Variants in CTNND2 observed in about 807,000 individuals in gnomAD.
CTNND2 encodes the protein catenin delta-2.
CTNND2 carries 22 observed loss-of-function variants against 144.4 expected under a neutral mutation model. The observed-to-expected ratio is 0.15, with a 90% confidence interval of 0.11 to 0.22. The LOEUF is 0.22. CTNND2 is among the 10% of genes least tolerant of loss of function. The pLI is 1.00. For synonymous variants in CTNND2, 751 were observed against 695.6 expected (o/e 1.08, Z -1.25); for missense variants, 1,353 against 1,618.8 (o/e 0.84, Z 2.82).
intron 3 of CTNND2, among the ~76,000 whole-genome samples, chr5:11,490,094 G>A (rs1282635577): frequency 6.6e-6 from 1 of 152,154 alleles, no homozygotes; most frequent in Non-Finnish European, 1.5e-5. Context: ...CTTCTCCTGA[G>A]GGTCTAACTT....
chr5:11,882,293 T>C (rs1736177207), intron 1 of CTNND2, among the ~76,000 whole-genome samples: 1 of 152,104 alleles, frequency 6.6e-6, no homozygotes, highest in South Asian at 2.1e-4. Context: ...AAAAAATCTT[T>C]GCCCAGACCA....
chr5:11,662,159 GTA>G (rs532874554), intron 2 of CTNND2, among the ~76,000 whole-genome samples: 3 of 137,580 alleles, frequency 2.2e-5, no homozygotes, highest in African/African-American at 5.7e-5. Flanking sequence ...ATATATATGT[GTA>G]TATATGTGTA....
At chr5:11,593,293 G>C (rs1779348346) in intron 2 of CTNND2, among the ~76,000 whole-genome samples, 1 of 152,166 alleles carries the variant, frequency 6.6e-6, no homozygotes, top group Non-Finnish European at 1.5e-5. Context: ...AATGGGAGAA[G>C]ATATTTTCAT....
At chr5:11,396,887 C>T (rs1485824390) in intron 6 of CTNND2, 144 bp downstream of exon 6, 1 of 682,856 alleles carries the variant, frequency 1.5e-6, no homozygotes, top group East Asian at 2.6e-5. Flanking sequence ...TCATTCACAG[C>T]ACCAAAGGGC....
intron 1 of CTNND2, among the ~76,000 whole-genome samples, chr5:11,867,300 C>T (rs1795816116): frequency 6.6e-6 from 1 of 152,110 alleles, no homozygotes; most frequent in African/African-American, 2.4e-5. Context: ...GAGAAAAGTC[C>T]AATAATTATT....
At chr5:11,226,225 G>T (rs775768524) in intron 10 of CTNND2, among the ~76,000 whole-genome samples, 1 of 152,170 alleles carries the variant, frequency 6.6e-6, no homozygotes, top group African/African-American at 2.4e-5. Flanking sequence ...TAGAGATCTA[G>T]CTCTGAGGTA....
At chr5:11,762,962 T>C (rs888253346) in intron 1 of CTNND2, among the ~76,000 whole-genome samples, 8 of 152,184 alleles carry the variant, frequency 5.3e-5, no homozygotes, top group African/African-American at 1.9e-4. Context: ...GCAAATCTCA[T>C]GTTGAATTGT....
chr5:11,798,053 T>G (rs1038579980), intron 1 of CTNND2, among the ~76,000 whole-genome samples: 2 of 151,432 alleles, frequency 1.3e-5, no homozygotes, highest in South Asian at 2.1e-4. Flanking sequence ...AGGTGAGGAG[T>G]TCGAGACCAG....
chr5:11,273,199 C>T (rs1030534429), intron 9 of CTNND2, among the ~76,000 whole-genome samples: 13 of 152,124 alleles, frequency 8.5e-5, no homozygotes, highest in African/African-American at 3.1e-4. Flanking sequence ...TGCCATCTGG[C>T]CCTTCACAGA....
intron 12 of CTNND2, among the ~76,000 whole-genome samples, chr5:11,135,824 T>C (rs1218192041): frequency 6.6e-6 from 1 of 152,220 alleles, no homozygotes; most frequent in Non-Finnish European, 1.5e-5. Flanking sequence ...TGCAGTGGGC[T>C]GTGGGTTACA....
chr5:11,581,244 C>T (rs369534259), intron 2 of CTNND2, among the ~76,000 whole-genome samples: 6 of 152,024 alleles, frequency 3.9e-5, no homozygotes, highest in African/African-American at 1.4e-4. Context: ...GACATGCATC[C>T]CAAATTTTTA....
chr5:11,286,769 A>T (rs989822389), intron 9 of CTNND2, among the ~76,000 whole-genome samples: 1 of 152,240 alleles, frequency 6.6e-6, no homozygotes, highest in Non-Finnish European at 1.5e-5. Context: ...CATTTTAGAC[A>T]ACAAATGGAG....
At chr5:11,817,390 G>C (rs1489014492) in intron 1 of CTNND2, among the ~76,000 whole-genome samples, 1 of 36,222 alleles carries the variant, frequency 2.8e-5, no homozygotes, top group Non-Finnish European at 5.3e-5. Context: ...AGAGAGGGGG[G>C]AGAGAGAGAG....
At position 11,803,923 on chromosome 5, in the gene CTNND2, A is replaced by T. The variant is rs115384826; in HGVS notation, c.38-71651T>A. ...TAAAAAATCTTACTAAATCCTGGCA[A>T]CCTCCATTTTTTTAAACTCATTTTT... On this transcript the variant is annotated intron_variant, in intron 1 of 21. Transcript: ENST00000304623. Among the ~76,000 whole-genome samples the T allele has an allele frequency of 5.0e-3, 764 of 151,898 alleles. 9 individuals are homozygous for T. The highest frequency in any genetic ancestry group is 0.018 in the African/African-American group (739 of 41,404).
intron 15 of CTNND2, among the ~76,000 whole-genome samples, chr5:11,097,400 G>A (rs1468031221): frequency 1.3e-5 from 2 of 152,182 alleles, no homozygotes; most frequent in Non-Finnish European, 2.9e-5. Flanking sequence ...TCTATGGGCA[G>A]GGTGTAGAAA....
At chr5:11,389,740 C>G (rs769747023) in intron 6 of CTNND2, among the ~76,000 whole-genome samples, 5 of 152,194 alleles carry the variant, frequency 3.3e-5, no homozygotes, top group Non-Finnish European at 7.3e-5. Context: ...GTCTGGGAAT[C>G]CCTACTCTGA....
At chr5:11,195,546 A>G (rs1260983773) in intron 11 of CTNND2, among the ~76,000 whole-genome samples, 1 of 152,258 alleles carries the variant, frequency 6.6e-6, no homozygotes, top group Non-Finnish European at 1.5e-5. Flanking sequence ...GACAAGGTTA[A>G]GTCCTCAGCC....
intron 3 of CTNND2, among the ~76,000 whole-genome samples, chr5:11,518,014 C>A (rs2150035110): frequency 6.6e-6 from 1 of 152,106 alleles, no homozygotes; most frequent in African/African-American, 2.4e-5. Flanking sequence ...GGTTACCGGG[C>A]ATTGGTGGAA....
rs547932041 is a variant in CTNND2 at position 11,490,498 on chromosome 5, C to T, written c.287+74446G>A. 4.6e-5 allele frequency among the ~76,000 whole-genome samples: 7 copies of T among 152,152 alleles called. No homozygotes were observed. The South Asian group carries it at 1.5e-3, about 32-fold the overall frequency. ...AAGATCTAAAAGATCCACAAAATGC[C>T]AGATGTAATGAGAACTACTCAAATA... On this transcript the variant is annotated intron_variant, in intron 3 of 21. Transcript: ENST00000304623.
Sources: allele counts gnomAD v4.1 joint callset (sites outside exome capture counted in the v4.1 genomes callset), GRCh38; gene constraint gnomAD v4.1.1; transcripts MANE v1.5; gene names NCBI Gene and HGNC (gene_info 2026-07-23, HGNC 2026-07-21).